Variants in MGST1 observed in about 807,000 individuals in gnomAD.
The protein encoded by MGST1 is microsomal glutathione S-transferase 1, also known as glutathione S-transferase 12.
A neutral mutation model predicts 8.9 loss-of-function variants in MGST1; 5 were observed. The observed-to-expected ratio is 0.56, with a 90% CI of 0.29 to 1.19. The LOEUF (loss-of-function observed/expected upper bound fraction) is 1.19, where lower values mean the gene tolerates loss of function less well. MGST1 is among the 50% of genes most tolerant of loss of function. The pLI, the probability that MGST1 is intolerant of heterozygous loss-of-function variation, is 0.08. For synonymous variants in MGST1, 54 were observed against 67.8 expected (o/e 0.80, Z 1.00); for missense variants, 182 against 187.4 (o/e 0.97, Z 0.17).
rs908885372 is a variant in MGST1, at chr12:16,364,047, A to G, written c.*6A>G. ...AAAGTAAATTGTACCTGTAAAGAAAATCATACAACTCAGCATCCAGTTGGC... is the reference window on the plus strand; with the variant it reads ...AAAGTAAATTGTACCTGTAAAGAAAGTCATACAACTCAGCATCCAGTTGGC... On this transcript the variant is annotated 3_prime_UTR_variant, in exon 4 of 4. Transcript: ENST00000396210. This position sits in a 1 kb window ranked among gnomAD's most constrained non-coding sequence, Gnocchi z 5.7. 1.3e-6 allele frequency: 2 copies of G among 1,597,184 alleles called. No individual in the cohort carries two copies. The highest frequency in any genetic ancestry group is 1.7e-6 in the Non-Finnish European group (2 of 1,169,856).
intron 1 of MGST1, among the ~76,000 whole-genome samples, chr12:16,430,594 T>A (rs1940929591): frequency 7.3e-6 from 1 of 136,818 alleles, no homozygotes; most frequent in Admixed American, 8.0e-5. Flanking sequence ...TGTCAATGAG[T>A]GGTAATATTT....
At chr12:16,515,329 C>T (rs1941604968) in intron 4 of MGST1, among the ~76,000 whole-genome samples, 1 of 152,130 alleles carries the variant, frequency 6.6e-6, no homozygotes, top group Non-Finnish European at 1.5e-5. Flanking sequence ...GCATGATTGA[C>T]CATCAACCCC....
At chr12:16,533,745 G>A (rs1941737622) in intron 4 of MGST1, among the ~76,000 whole-genome samples, 1 of 151,458 alleles carries the variant, frequency 6.6e-6, no homozygotes, top group Admixed American at 6.6e-5. Context: ...AAAAGTTTGT[G>A]ATCAATTACT....
At chr12:16,532,395 AT>A (rs1941728634) in intron 4 of MGST1, among the ~76,000 whole-genome samples, 1 of 152,162 alleles carries the variant, frequency 6.6e-6, no homozygotes, top group African/African-American at 2.4e-5. Flanking sequence ...AGTTAAAAAA[AT>A]TAACATTCTC....
At chr12:16,404,005 A>AT (rs1426436589) in intron 1 of MGST1, among the ~76,000 whole-genome samples, 1 of 152,120 alleles carries the variant, frequency 6.6e-6, no homozygotes, top group Admixed American at 6.6e-5. Context: ...ATTTTGTCTG[A>AT]TTTTTTAATA....
At chr12:16,393,282 CAAG>C (rs1247058123) in intron 1 of MGST1, among the ~76,000 whole-genome samples, 1 of 152,106 alleles carries the variant, frequency 6.6e-6, no homozygotes, top group Non-Finnish European at 1.5e-5. Context: ...CCAAAAATGT[CAAG>C]AATAGAGAAA....
chr12:16,564,388 G>C (rs1332690765), intron 4 of MGST1, among the ~76,000 whole-genome samples: 1 of 152,186 alleles, frequency 6.6e-6, no homozygotes, highest in Middle Eastern at 3.2e-3. Context: ...AACAGCTTCG[G>C]CAACATTGCC....
At chr12:16,480,463 AC>A (rs1215919268) in intron 4 of MGST1, among the ~76,000 whole-genome samples, 1 of 152,188 alleles carries the variant, frequency 6.6e-6, no homozygotes, top group Non-Finnish European at 1.5e-5. Context: ...TTTAAAAGAC[AC>A]AGTTGAGAAA....
At chr12:16,481,420 A>G (rs1941363809) in intron 4 of MGST1, among the ~76,000 whole-genome samples, 1 of 152,244 alleles carries the variant, frequency 6.6e-6, no homozygotes, top group South Asian at 2.1e-4. Flanking sequence ...CTCTGTTGGA[A>G]TTGTCAAATA....
chr12:16,418,065 A>C (rs1381008995), intron 1 of MGST1, among the ~76,000 whole-genome samples: 1 of 152,064 alleles, frequency 6.6e-6, no homozygotes, highest in Non-Finnish European at 1.5e-5. Flanking sequence ...CTGCACATAC[A>C]TCTCTTCATG....
chr12:16,564,287 T>C (rs1191726320), intron 4 of MGST1, among the ~76,000 whole-genome samples: 4 of 151,842 alleles, frequency 2.6e-5, no homozygotes, highest in African/African-American at 9.7e-5. Context: ...TTAATAACTT[T>C]TGTGTATGGG....
exon 4 of MGST1, chr12:16,377,051 A>T (rs1940392164): frequency 1.3e-5 from 2 of 152,146 alleles, no homozygotes; most frequent in African/African-American, 4.8e-5. Context: ...ACTTACATTA[A>T]TTAGATGCTG....
intron 2 of MGST1, among the ~76,000 whole-genome samples, chr12:16,356,133 T>C (rs1177194679): frequency 2.0e-5 from 3 of 152,200 alleles, no homozygotes. Context: ...AAAGGCCTCA[T>C]ATCCCAGATA....
chr12:16,454,731 C>G (rs760427245), intron 4 of MGST1, among the ~76,000 whole-genome samples: 1 of 151,456 alleles, frequency 6.6e-6, no homozygotes, highest in Non-Finnish European at 1.5e-5. Flanking sequence ...CATAATATTT[C>G]TACTGGAAAA....
chr12:16,498,958 G>C (rs1434729817), intron 4 of MGST1, among the ~76,000 whole-genome samples: 7 of 152,134 alleles, frequency 4.6e-5, no homozygotes, highest in African/African-American at 1.4e-4. Context: ...AAGATACAAA[G>C]GGCCTTTAGA....
chr12:16,589,599 C>G (rs1943426897), downstream of MGST1: 1 of 152,062 alleles, frequency 6.6e-6, no homozygotes, highest in South Asian at 2.1e-4. The surrounding 1 kb of genome is among the most constrained non-coding windows in gnomAD (Gnocchi z 4.2). Flanking sequence ...AGCACATCAT[C>G]TCTATTATAA....
At chr12:16,431,118 C>T (rs550451748) in intron 1 of MGST1, among the ~76,000 whole-genome samples, 2 of 152,326 alleles carry the variant, frequency 1.3e-5, no homozygotes, top group East Asian at 3.9e-4. Context: ...TCTTCTGCAG[C>T]TTTTAAAAAT....
chr12:16,514,232 G>A (rs1459498433), intron 4 of MGST1: 7 of 299,082 alleles, frequency 2.3e-5, no homozygotes, highest in Non-Finnish European at 4.6e-5. Context: ...GTCTTACACA[G>A]TGAGGGTGTG....
At chr12:16,476,682 T>A (rs777975251) in intron 4 of MGST1, among the ~76,000 whole-genome samples, 5 of 152,156 alleles carry the variant, frequency 3.3e-5, no homozygotes, top group Non-Finnish European at 5.9e-5. Context: ...AGATAATAAT[T>A]TTTTGATAAG....
Sources: gnomAD v4.1 joint callset for allele counts (sites outside exome capture counted in the v4.1 genomes callset) on GRCh38, gnomAD v4.1.1 for gene constraint, Gnocchi (gnomAD v3.1) non-coding constraint, MANE v1.5 for transcripts, NCBI Gene and HGNC (gene_info 2026-07-23, HGNC 2026-07-21) for gene names.